Variants in CHODL observed in about 807,000 individuals in gnomAD.
CHODL encodes chondrolectin, also known as transmembrane protein MT75.
A neutral mutation model predicts 34.5 loss-of-function variants in CHODL; 29 were observed. The ratio of observed to expected loss-of-function variants is 0.84; its 90% CI spans 0.63 to 1.15. The LOEUF (loss-of-function observed/expected upper bound fraction) is 1.15, where lower values mean the gene tolerates loss of function less well. Ranked by LOEUF, CHODL falls within the 50% of genes most tolerant of loss-of-function variation. CHODL has a pLI of 0.00. For missense variants in CHODL, 332 were observed against 332.5 expected (o/e 1.00, Z 0.01); for synonymous variants, 125 against 116.1 (o/e 1.08, Z -0.49).
chr21:17,978,393 G>T (rs556256006), intron 1 of CHODL, among the ~76,000 whole-genome samples: 1 of 145,604 alleles, frequency 6.9e-6, no homozygotes, highest in East Asian at 2.0e-4. Context: ...CTGCACTCCA[G>T]CCTGGGGCAC....
intron 2 of CHODL, among the ~76,000 whole-genome samples, chr21:18,063,045 T>C (rs912494798): frequency 6.6e-6 from 1 of 152,132 alleles, no homozygotes; most frequent in East Asian, 1.9e-4. Flanking sequence ...GTTTGATGAG[T>C]GTTCCAAAAA....
Position 18,262,834 on chromosome 21 carries a change from C to T in CHODL, c.678C>T (p.Pro226=). 2 of 1,609,982 alleles carry T rather than the reference C, an allele frequency of 1.2e-6. No homozygotes were observed. Among genetic ancestry groups the T allele is most frequent in the Non-Finnish European group, 1.7e-6 (2 of 1,176,718 alleles). The part of the protein sequence containing the change: ...NLIYVVIPTI[P]LLLLILVAFG... ...TTTATGTTGTTATACCAACAATACC[C>T]CTGCTCTTACTGATACTGGTTGCTT... The change falls in exon 5 of 6, where the codon CCC becomes CCT. Residue 226 remains proline, a synonymous_variant. Coordinates refer to ENST00000299295, the MANE Select transcript of CHODL (RefSeq NM_024944.3).
chr21:18,008,299 A>G (rs897448713), intron 1 of CHODL, among the ~76,000 whole-genome samples: 10 of 119,790 alleles, frequency 8.3e-5, no homozygotes, highest in Non-Finnish European at 1.4e-4. Flanking sequence ...ATAATCTCCA[A>G]AAATTTCTTT....
intron 1 of CHODL, among the ~76,000 whole-genome samples, chr21:17,975,265 AGTACATATGGACACGT>A (rs1324622838): frequency 6.6e-6 from 1 of 152,144 alleles, no homozygotes; most frequent in Admixed American, 6.6e-5. Context: ...CTAAACACTG[AGTACATATGGACACGT>A]GTACTTGAGA....
chr21:18,213,159 C>G (rs2073790724), intron 2 of CHODL, among the ~76,000 whole-genome samples: 1 of 152,090 alleles, frequency 6.6e-6, no homozygotes, highest in African/African-American at 2.4e-5. Context: ...ATCGAAGATA[C>G]ATCTTTTGAG....
At chr21:18,179,371 C>G (rs1207103655) in intron 2 of CHODL, among the ~76,000 whole-genome samples, 2 of 152,162 alleles carry the variant, frequency 1.3e-5, no homozygotes, top group East Asian at 3.9e-4. Context: ...TTCTGTCATT[C>G]TACTCACCAT....
intron 1 of CHODL, among the ~76,000 whole-genome samples, chr21:17,923,627 A>G (rs2063200876): frequency 6.6e-6 from 1 of 151,898 alleles, no homozygotes; most frequent in African/African-American, 2.4e-5. Context: ...ATGTCCAGCT[A>G]ATTTTTTGTA....
Position 18,127,179 on chromosome 21 carries a change from AT to A in CHODL, c.-45+99209del, listed in dbSNP as rs562471424. Among the ~76,000 whole-genome samples, 119 of 144,274 alleles carry A rather than the reference AT, an allele frequency of 8.2e-4. 1 individual carries two copies. Among genetic ancestry groups the A allele is most frequent in the Admixed American group, 6.5e-3 (89 of 13,734 alleles). The allele number at this position is 144,274 out of a possible 152,430, so 94.6% of individuals were successfully genotyped here. The stretch of plus-strand genomic sequence containing the variant: ...AATGAGGAATAATGATGATGGATAT[AT>A]GTTTTTTTTTAAGGAATAATGAAAA... On this transcript the variant is annotated intron_variant, in intron 2 of 6. Coordinates refer to the CHODL transcript ENST00000400127.
Position 18,096,418 on chromosome 21 carries a change from C to A in CHODL, c.-45+68447C>A, listed in dbSNP as rs1265499664. ...GAACAGAGTCATATTTCTCTTCTTG[C>A]AGAAAGCGAATAGGAGAAATATTGC... On this transcript the variant is annotated intron_variant, in intron 2 of 6. Coordinates refer to the CHODL transcript ENST00000400127. 1.3e-5 allele frequency among the ~76,000 whole-genome samples: 2 copies of A among 152,156 alleles called. 1 individual carries two copies. The highest frequency in any genetic ancestry group is 6.3e-3 in the Middle Eastern group (2 of 316).
At chr21:17,920,657 G>C (rs2063176289) in intron 1 of CHODL, among the ~76,000 whole-genome samples, 1 of 152,196 alleles carries the variant, frequency 6.6e-6, no homozygotes, top group Non-Finnish European at 1.5e-5. Flanking sequence ...TTTTGAGACG[G>C]TGCTTGGCAG....
chr21:18,186,855 C>G (rs2073447869), intron 2 of CHODL, among the ~76,000 whole-genome samples: 1 of 152,076 alleles, frequency 6.6e-6, no homozygotes. Context: ...ATGGTTGCTG[C>G]TATTTTAGAT....
intron 1 of CHODL, among the ~76,000 whole-genome samples, chr21:17,998,292 C>G (rs1020993738): frequency 2.6e-5 from 4 of 152,224 alleles, no homozygotes; most frequent in African/African-American, 9.6e-5. Flanking sequence ...CAGCTCCACC[C>G]CTGTGGCTTT....
intron 1 of CHODL, among the ~76,000 whole-genome samples, chr21:17,944,096 C>T (rs1181936697): frequency 8.9e-6 from 1 of 111,864 alleles, no homozygotes; most frequent in Admixed American, 9.7e-5. Flanking sequence ...TGTTATTCTT[C>T]CTAGCTTAAG....
intron 2 of CHODL, among the ~76,000 whole-genome samples, chr21:18,119,292 G>C (rs1490850354): frequency 6.6e-6 from 1 of 151,616 alleles, no homozygotes; most frequent in East Asian, 1.9e-4. Flanking sequence ...CCCAAAGTCA[G>C]GCTGAGAGGT....
intron 2 of CHODL, among the ~76,000 whole-genome samples, chr21:18,201,281 G>T (rs1313402706): frequency 2.6e-5 from 4 of 151,724 alleles, no homozygotes; most frequent in African/African-American, 9.7e-5. Context: ...AAAAATTTTA[G>T]GGCTTAGATT....
chr21:17,958,408 G>A (rs1291576640), intron 1 of CHODL, among the ~76,000 whole-genome samples: 1 of 152,128 alleles, frequency 6.6e-6, no homozygotes, highest in Non-Finnish European at 1.5e-5. Context: ...GTGGAAGGTT[G>A]CTTCCTAGCT....
intron 2 of CHODL, among the ~76,000 whole-genome samples, chr21:18,231,380 T>C (rs756376984): frequency 1.3e-5 from 2 of 152,108 alleles, no homozygotes; most frequent in Non-Finnish European, 2.9e-5. Context: ...CCACTGTGCG[T>C]GTGCTATATC....
intron 2 of CHODL, among the ~76,000 whole-genome samples, chr21:18,213,744 T>C (rs1044175194): frequency 4.6e-5 from 7 of 152,024 alleles, no homozygotes; most frequent in Admixed American, 2.0e-4. Context: ...AGATTTCAAT[T>C]AGGACTGTAT....
intron 1 of CHODL, among the ~76,000 whole-genome samples, chr21:18,251,057 G>A (rs899293841): frequency 2.6e-5 from 4 of 151,310 alleles, no homozygotes; most frequent in Non-Finnish European, 4.4e-5. Flanking sequence ...ACAAATATAA[G>A]CAAAAAGAAA....
Sources: gnomAD v4.1 joint callset for allele counts (sites outside exome capture counted in the v4.1 genomes callset) on GRCh38, gnomAD v4.1.1 for gene constraint, MANE v1.5 for transcripts, NCBI Gene and HGNC (gene_info 2026-07-23, HGNC 2026-07-21) for gene names.